The following ASTN1 variants were observed in gnomAD, a reference collection of about 807,000 sequenced individuals.
The protein encoded by ASTN1 is astrotactin 1.
In ASTN1, 41 loss-of-function variants were observed where a neutral mutation model predicts 140.7. The observed-to-expected ratio is 0.29, with a 90% CI of 0.23 to 0.38. The LOEUF (loss-of-function observed/expected upper bound fraction) is 0.38, where lower values mean the gene tolerates loss of function less well. Ranked by LOEUF, ASTN1 falls within the 10% of genes least tolerant of loss-of-function variation. The pLI, the probability that ASTN1 is intolerant of heterozygous loss-of-function variation, is 1.00. For missense variants in ASTN1, 1,479 were observed against 1,678.8 expected (o/e 0.88, Z 2.08); for synonymous variants, 640 against 652.2 (o/e 0.98, Z 0.29).
intron 16 of ASTN1, among the ~76,000 whole-genome samples, chr1:176,906,468 G>A (rs549520958): frequency 1.9e-4 from 29 of 152,286 alleles, no homozygotes; most frequent in South Asian, 1.0e-3. Flanking sequence ...TTTGCAAGGC[G>A]TGGGGCAGAC....
intron 17 of ASTN1, among the ~76,000 whole-genome samples, chr1:176,893,437 T>C (rs1213227923): frequency 1.3e-5 from 2 of 152,216 alleles, no homozygotes; most frequent in Non-Finnish European, 2.9e-5. Flanking sequence ...GCCACCTTTA[T>C]CAGATTGAAG....
Position 177,121,471 on chromosome 1 carries a change from C to T in ASTN1, c.283+42923G>A, listed in dbSNP as rs534439943. ...TCCTTGAGGGCTATATGATGGCGGG[C>T]AAGTTACTGTCCTCTTTCTATAGAT... On this transcript the variant is annotated intron_variant, in intron 1 of 22. Coordinates refer to ENST00000361833, the MANE Select transcript of ASTN1 (RefSeq NM_004319.3). 5.9e-5 allele frequency among the ~76,000 whole-genome samples: 9 copies of T among 152,128 alleles called. 1 individual carries two copies. The East Asian group carries it at 1.4e-3, about 23-fold the overall frequency.
At chr1:177,043,516 A>T (rs994022385) in intron 2 of ASTN1, among the ~76,000 whole-genome samples, 2 of 152,232 alleles carry the variant, frequency 1.3e-5, no homozygotes, top group African/African-American at 4.8e-5. Flanking sequence ...ACTTGTATAC[A>T]TTGCTTTGTG....
chr1:177,066,351 G>C (rs114509145), intron 1 of ASTN1, among the ~76,000 whole-genome samples: 4,507 of 152,284 alleles, frequency 0.03, 221 homozygotes, highest in African/African-American at 0.1. Flanking sequence ...TTGGAATAAT[G>C]AGATCTTGGG....
chr1:176,992,311 T>G (rs980500394), intron 8 of ASTN1, among the ~76,000 whole-genome samples: 3 of 152,098 alleles, frequency 2.0e-5, no homozygotes, highest in African/African-American at 7.2e-5. Context: ...TAAATTGAAG[T>G]TATTTATCTG....
intron 1 of ASTN1, among the ~76,000 whole-genome samples, chr1:177,121,824 C>T (rs183670033): frequency 4.6e-4 from 70 of 152,184 alleles, no homozygotes; most frequent in Admixed American, 4.1e-3. Flanking sequence ...TAGATGTGAT[C>T]AGGGAGGTGG....
At chr1:177,093,383 C>A (rs1679865839) in intron 1 of ASTN1, among the ~76,000 whole-genome samples, 1 of 152,124 alleles carries the variant, frequency 6.6e-6, no homozygotes. Context: ...AAAGAATTTG[C>A]CCATTTCTGG....
intron 1 of ASTN1, among the ~76,000 whole-genome samples, chr1:177,124,835 ATCC>A (rs1285313994): frequency 1.3e-5 from 2 of 152,236 alleles, no homozygotes; most frequent in African/African-American, 4.8e-5. Flanking sequence ...TGCTTTCATT[ATCC>A]AAATGCAAAG....
rs575884364 is a variant in ASTN1, at chr1:177,147,040, T to TA, written c.283+17353dup. 9.7e-3 allele frequency among the ~76,000 whole-genome samples: 1,462 copies of TA among 151,202 alleles called. 15 individuals carry two copies. Among genetic ancestry groups the TA allele is most frequent in the African/African-American group, 0.033 (1,341 of 41,184 alleles). The stretch of plus-strand genomic sequence containing the variant: ...ATTCTTAAATGAAACTGGATTTTTT[T>TA]AAAAAAAAACAGTGAGAGTGGTGAA... On this transcript the variant is annotated intron_variant, in intron 1 of 22. Transcript: ENST00000361833.
Position 177,125,529 on chromosome 1 carries a change from T to A in ASTN1, c.283+38865A>T, listed in dbSNP as rs539011407. ...CTAGATGTAGAGGCAAAAATTCTGATGCATCCTTCACAACCCCTCACACCT... is the reference window on the plus strand; with the variant it reads ...CTAGATGTAGAGGCAAAAATTCTGAAGCATCCTTCACAACCCCTCACACCT... On this transcript the variant is annotated intron_variant, in intron 1 of 22. Coordinates refer to ENST00000361833, the MANE Select transcript of ASTN1 (RefSeq NM_004319.3). Among the ~76,000 whole-genome samples the A allele has an allele frequency of 2.0e-5, 3 of 152,318 alleles. No individual in the cohort carries two copies. In the East Asian group the frequency reaches 5.8e-4, roughly 29 times the overall value.
chr1:177,067,807 C>T (rs1337648014), intron 1 of ASTN1, among the ~76,000 whole-genome samples: 1 of 151,948 alleles, frequency 6.6e-6, no homozygotes, highest in Non-Finnish European at 1.5e-5. Context: ...AGATGAGGGA[C>T]AGATGAAAAA....
intron 2 of ASTN1, among the ~76,000 whole-genome samples, chr1:177,034,494 T>C (rs940193169): frequency 6.6e-6 from 1 of 152,172 alleles, no homozygotes; most frequent in Non-Finnish European, 1.5e-5. Context: ...GGTTCCATTA[T>C]GGGTATGAGT....
intron 16 of ASTN1, among the ~76,000 whole-genome samples, chr1:176,896,620 C>T (rs1357320985): frequency 2.0e-5 from 3 of 152,106 alleles, no homozygotes; most frequent in African/African-American, 7.2e-5. Flanking sequence ...GCAAACAGCC[C>T]TTCATTAATG....
intron 1 of ASTN1, among the ~76,000 whole-genome samples, chr1:177,083,246 A>G (rs1679266344): frequency 6.6e-6 from 1 of 152,124 alleles, no homozygotes; most frequent in Non-Finnish European, 1.5e-5. Flanking sequence ...GTCTAGGGCC[A>G]TATGTTTTTG....
At chr1:177,149,772 TAC>T (rs1219650165) in intron 1 of ASTN1, among the ~76,000 whole-genome samples, 3 of 86,078 alleles carry the variant, frequency 3.5e-5, no homozygotes, top group African/African-American at 2.5e-4. Context: ...ACACTGTATA[TAC>T]ATAGTAAATA....
At chr1:177,129,279 C>T (rs919252102) in intron 1 of ASTN1, among the ~76,000 whole-genome samples, 2 of 152,162 alleles carry the variant, frequency 1.3e-5, no homozygotes, top group African/African-American at 4.8e-5. Context: ...AGGTGAGAAA[C>T]TGGGGACCAC....
chr1:176,883,731 A>G (rs2103027534), intron 19 of ASTN1, among the ~76,000 whole-genome samples: 1 of 152,328 alleles, frequency 6.6e-6, no homozygotes, highest in South Asian at 2.1e-4. Context: ...TGGTGACCAC[A>G]TCCCATGCAT....
chr1:176,942,818 GTGTATATATATATATATGTATA>G (rs1347251005), intron 14 of ASTN1, among the ~76,000 whole-genome samples: 1,005 of 31,950 alleles, frequency 0.031, 58 homozygotes, highest in African/African-American at 0.1. Context: ...CTTTGTGTGT[GTGTATATATATATATATGTATA>G]TATATATATA....
In ASTN1 at chr1:177,088,475, A is replaced by G. The variant is rs185826403; in HGVS notation, c.284-27210T>C. 8.5e-5 allele frequency among the ~76,000 whole-genome samples: 13 copies of G among 152,302 alleles called. No individual in the cohort carries two copies. In the East Asian group the frequency reaches 2.5e-3, roughly 29 times the overall value. The stretch of plus-strand genomic sequence containing the variant: ...ACATTCACCATGTGCCCGACTGGAT[A>G]CTTCCCTGAATGTGGCTAGCGTCAT... On this transcript the variant is annotated intron_variant, in intron 1 of 22. Transcript: ENST00000361833.
Sources: gnomAD v4.1 joint callset for allele counts (sites outside exome capture counted in the v4.1 genomes callset) on GRCh38, gnomAD v4.1.1 for gene constraint, MANE v1.5 for transcripts, NCBI Gene and HGNC (gene_info 2026-07-23, HGNC 2026-07-21) for gene names.